Variants in KIF5B observed in about 807,000 individuals in gnomAD.
KIF5B encodes kinesin family member 5B.
A neutral mutation model predicts 132.8 loss-of-function variants in KIF5B; 49 were observed. That is an observed-to-expected ratio of 0.37 (90% CI 0.29 to 0.47). The LOEUF (loss-of-function observed/expected upper bound fraction) is 0.47. Among genes scored for constraint, KIF5B ranks in the 20% least tolerant of loss-of-function variants. KIF5B has a pLI of 1.00. For synonymous variants in KIF5B, 355 were observed against 369.4 expected (o/e 0.96, Z 0.45); for missense variants, 780 against 1,144.0 (o/e 0.68, Z 4.59).
intron 14 of KIF5B, among the ~76,000 whole-genome samples, chr10:32,030,804 CTAAATTAAA>C (rs957664216): frequency 4.6e-5 from 7 of 152,012 alleles, no homozygotes; most frequent in Admixed American, 1.3e-4. Context: ...ATGCTATATA[CTAAATTAAA>C]AAAATTAAAA....
intron 9 of KIF5B, 66 bp from the exon 10 acceptor site, chr10:32,035,733 C>T (rs1458898095): frequency 9.4e-6 from 14 of 1,481,546 alleles, no homozygotes; most frequent in Admixed American, 2.1e-5. Flanking sequence ...AAATAAACTC[C>T]CAAAAGACAA....
chr10:32,023,742 G>A (rs1384574381), intron 15 of KIF5B, among the ~76,000 whole-genome samples: 1 of 152,148 alleles, frequency 6.6e-6, no homozygotes, highest in Admixed American at 6.5e-5. Context: ...ACTGATCTCT[G>A]ACAAAGGTGC....
intron 1 of KIF5B, among the ~76,000 whole-genome samples, chr10:32,049,732 C>CAA (rs373135892): frequency 7.3e-6 from 1 of 137,326 alleles, no homozygotes; most frequent in Non-Finnish European, 1.6e-5. Context: ...GGGTATTGAA[C>CAA]AAAAAAAAAA....
intron 13 of KIF5B, among the ~76,000 whole-genome samples, chr10:32,031,767 G>C (rs554665050): frequency 6.6e-6 from 1 of 150,428 alleles, no homozygotes; most frequent in African/African-American, 2.4e-5. Flanking sequence ...GGGAGGCCGA[G>C]GCGGGCGGAT....
Position 32,022,830 on chromosome 10 carries a change from CTT to C in KIF5B, c.1914+16_1914+17del. ...TGGCTGTTTCAAAAAAATGAATAAA[CTT>C]TGTTCTATAACATACTTGAGAGATA... On this transcript the variant is annotated intron_variant, in intron 16 of 25. Transcript: ENST00000302418. 6.7e-7 allele frequency: 1 copy of C among 1,490,454 alleles called. No individual in the cohort carries two copies. The highest frequency in any genetic ancestry group is 9.0e-7 in the Non-Finnish European group (1 of 1,107,244). 92.3% of individuals were successfully genotyped at this position (1,490,454 alleles called of 1,614,324 possible).
At chr10:32,038,945 T>A in intron 4 of KIF5B, 119 bp from the exon 5 acceptor site, 1 of 660,666 alleles carries the variant, frequency 1.5e-6, no homozygotes, top group Admixed American at 3.3e-5. Context: ...ATACCAGCCA[T>A]AGCTCACATT....
intron 13 of KIF5B, 127 bp from the exon 14 acceptor site, chr10:32,031,406 A>C (rs1841401075): frequency 2.9e-6 from 2 of 700,498 alleles, no homozygotes; most frequent in Non-Finnish European, 4.8e-6. Flanking sequence ...GGCAACATTT[A>C]TTCATTAAAC....
intron 11 of KIF5B, 72 bp from the exon 12 acceptor site, chr10:32,034,110 AATT>A: frequency 5.0e-6 from 5 of 1,006,156 alleles, no homozygotes; most frequent in Non-Finnish European, 5.7e-6. Context: ...TTCCTTTAAA[AATT>A]TTTTTTTTTT....
chr10:32,047,813 CA>C (rs993749344), intron 2 of KIF5B, among the ~76,000 whole-genome samples: 5 of 152,022 alleles, frequency 3.3e-5, no homozygotes, highest in African/African-American at 1.2e-4. Flanking sequence ...CTACAGCTGT[CA>C]AAAAATGAAA....
chr10:32,042,993 G>GT (rs1841561589), intron 2 of KIF5B, among the ~76,000 whole-genome samples: 1 of 151,934 alleles, frequency 6.6e-6, no homozygotes, highest in Non-Finnish European at 1.5e-5. Context: ...GGTACTATTA[G>GT]TTTTTTGTTT....
At chr10:32,055,446 T>C (rs892337883) in intron 1 of KIF5B, among the ~76,000 whole-genome samples, 3 of 152,116 alleles carry the variant, frequency 2.0e-5, no homozygotes, top group African/African-American at 7.2e-5. Context: ...CAGCCGATCT[T>C]TATATTAGCA....
Position 32,009,723 on chromosome 10 carries a change from A to T in KIF5B, c.*1814T>A, listed in dbSNP as rs1458000047. The T allele has an allele frequency of 1.3e-5, 2 of 152,222 alleles. No homozygotes were observed. Among genetic ancestry groups the T allele is most frequent in the Non-Finnish European group, 2.9e-5 (2 of 68,042 alleles). 9.4% of individuals were successfully genotyped at this position (152,222 alleles called of 1,614,324 possible). Reference sequence around the variant, plus strand: ...GAGGCAAGTTTTCAACTGAAAACAAAACATAAAGGTCTATGTGGATGCAGC... The same window carrying T: ...GAGGCAAGTTTTCAACTGAAAACAATACATAAAGGTCTATGTGGATGCAGC... On this transcript the variant is annotated 3_prime_UTR_variant, in exon 26 of 26. Coordinates refer to ENST00000302418, the MANE Select transcript of KIF5B (RefSeq NM_004521.3).
intron 11 of KIF5B, 129 bp downstream of exon 11, chr10:32,034,561 A>T: frequency 3.2e-6 from 2 of 616,940 alleles, no homozygotes; most frequent in Non-Finnish European, 5.0e-6. Flanking sequence ...TAATTTTTTT[A>T]AAAATTATTT....
chr10:32,021,418 C>G (rs1025771553), intron 17 of KIF5B, 131 bp from the exon 18 acceptor site: 1 of 655,514 alleles, frequency 1.5e-6, no homozygotes, highest in African/African-American at 1.8e-5. Flanking sequence ...CCAAATGTCA[C>G]CTGCTCTCCA....
intron 3 of KIF5B, 60 bp downstream of exon 3, chr10:32,040,324 C>T: frequency 1.0e-6 from 1 of 978,782 alleles, no homozygotes; most frequent in Non-Finnish European, 1.7e-6. Context: ...AATAATATCA[C>T]AAATAATGAA....
chr10:32,040,626 A>AACAC (rs72393080), intron 2 of KIF5B, among the ~76,000 whole-genome samples, 169 bp from the exon 3 acceptor site: 70 of 142,180 alleles, frequency 4.9e-4, no homozygotes, highest in African/African-American at 1.3e-3. Flanking sequence ...AACACCCTAA[A>AACAC]ACACACACAC....
chr10:32,050,731 T>C (rs1841682319), intron 1 of KIF5B, among the ~76,000 whole-genome samples: 1 of 152,246 alleles, frequency 6.6e-6, no homozygotes, highest in African/African-American at 2.4e-5. Context: ...TGATTATTCT[T>C]TAGTTGTGAC....
At position 32,022,785 on chromosome 10, in the gene KIF5B, TAATA is replaced by T. The variant is rs766757094; in HGVS notation, c.1914+59_1914+62del. 686 of 1,236,712 alleles carry T rather than the reference TAATA, an allele frequency of 5.5e-4. 2 individuals carry two copies. The Middle Eastern group carries it at 6.6e-3, about 12-fold the overall frequency. The allele number at this position is 1,236,712 out of a possible 1,614,324, so 76.6% of individuals were successfully genotyped here. A position where few individuals can be genotyped will look rare whatever the true frequency, so the allele number is the denominator to read the frequency against. On this transcript the variant is annotated intron_variant, in intron 16 of 25. Transcript: ENST00000302418. ...ACACACATTTTTCTGAAAACTTGTA[TAATA>T]AATAAAATTTCTATGTGGCTGTTTC...
At chr10:32,045,570 T>C (rs1841597776) in intron 2 of KIF5B, among the ~76,000 whole-genome samples, 1 of 152,236 alleles carries the variant, frequency 6.6e-6, no homozygotes, top group Non-Finnish European at 1.5e-5. Context: ...TCACAGCTAC[T>C]GTAGGTTACT....
Sources: allele counts gnomAD v4.1 joint callset (sites outside exome capture counted in the v4.1 genomes callset), GRCh38; gene constraint gnomAD v4.1.1; transcripts MANE v1.5; gene names NCBI Gene and HGNC (gene_info 2026-07-23, HGNC 2026-07-21).